Variants in CACNA2D3 observed in about 807,000 individuals in gnomAD.
CACNA2D3 encodes voltage-dependent calcium channel subunit alpha-2/delta-3.
Under a neutral mutation model 160.6 loss-of-function variants are expected in CACNA2D3, and 60 were observed. That is an observed-to-expected ratio of 0.37 (90% CI 0.30 to 0.46). The LOEUF (loss-of-function observed/expected upper bound fraction) is 0.46. Ranked by LOEUF, CACNA2D3 falls within the 20% of genes least tolerant of loss-of-function variation. CACNA2D3 has a pLI of 1.00. For missense variants in CACNA2D3, 1,205 were observed against 1,365.0 expected (o/e 0.88, Z 1.85); for synonymous variants, 558 against 492.9 (o/e 1.13, Z -1.75).
intron 17 of CACNA2D3, among the ~76,000 whole-genome samples, chr3:54,860,021 CAT>C (rs1375343919): frequency 2.7e-5 from 4 of 148,168 alleles, no homozygotes; most frequent in Admixed American, 2.7e-4. Flanking sequence ...CACAAACACA[CAT>C]ATTCCAAATT....
intron 4 of CACNA2D3, among the ~76,000 whole-genome samples, chr3:54,502,563 G>T (rs997143825): frequency 2.0e-5 from 3 of 152,066 alleles, no homozygotes; most frequent in African/African-American, 4.8e-5. Flanking sequence ...CATATTAATT[G>T]TAGTTATTTT....
intron 27 of CACNA2D3, chr3:54,967,126 T>C (rs2107064260): frequency 6.6e-6 from 1 of 152,344 alleles, no homozygotes; most frequent in Non-Finnish European, 1.5e-5. Context: ...ACTGCTCTAG[T>C]CTTTATCCTA....
At chr3:54,310,065 T>C (rs1337940059) in intron 2 of CACNA2D3, among the ~76,000 whole-genome samples, 2 of 152,024 alleles carry the variant, frequency 1.3e-5, no homozygotes, top group Non-Finnish European at 2.9e-5. Flanking sequence ...GTCCTCAAAC[T>C]TCACTAGATC....
At chr3:54,478,658 G>GTGTGTA (rs1404422204) in intron 4 of CACNA2D3, among the ~76,000 whole-genome samples, 775 of 1,952 alleles carry the variant, frequency 0.4, 99 homozygotes, top group African/African-American at 0.41. Flanking sequence ...AAATATGTGT[G>GTGTGTA]TGTATATATA....
intron 27 of CACNA2D3, among the ~76,000 whole-genome samples, chr3:54,909,328 T>C (rs79978728): frequency 2.0e-5 from 3 of 152,100 alleles, no homozygotes; most frequent in East Asian, 3.9e-4. Flanking sequence ...TTTTTTTTTT[T>C]CCAACATGGC....
intron 2 of CACNA2D3, among the ~76,000 whole-genome samples, chr3:54,234,396 T>C (rs1259571713): frequency 6.6e-6 from 1 of 152,204 alleles, no homozygotes; most frequent in African/African-American, 2.4e-5. Context: ...GAAGCACTTA[T>C]ACACTGTCGA....
chr3:54,351,503 C>T (rs1014669776), intron 3 of CACNA2D3, among the ~76,000 whole-genome samples: 5 of 152,156 alleles, frequency 3.3e-5, no homozygotes, highest in Non-Finnish European at 5.9e-5. Flanking sequence ...GCTTTGTCTC[C>T]GTGTTTGAAG....
At chr3:54,938,755 A>G (rs1701389341) in intron 27 of CACNA2D3, among the ~76,000 whole-genome samples, 1 of 152,128 alleles carries the variant, frequency 6.6e-6, no homozygotes, top group Admixed American at 6.5e-5. Context: ...ACAAAATTTG[A>G]GAGCATGTTG....
intron 27 of CACNA2D3, among the ~76,000 whole-genome samples, chr3:54,916,143 G>A (rs775529968): frequency 3.3e-5 from 5 of 152,138 alleles, no homozygotes; most frequent in Non-Finnish European, 7.3e-5. Flanking sequence ...TGTAATATCC[G>A]TTCAAGTGGC....
intron 5 of CACNA2D3, among the ~76,000 whole-genome samples, chr3:54,513,410 G>GT (rs1559501614): frequency 6.6e-6 from 1 of 152,042 alleles, no homozygotes; most frequent in Non-Finnish European, 1.5e-5. Flanking sequence ...TGCTTACTAT[G>GT]TTTCAGGCAT....
At chr3:54,582,637 C>T (rs1405239558) in intron 9 of CACNA2D3, among the ~76,000 whole-genome samples, 1 of 152,172 alleles carries the variant, frequency 6.6e-6, no homozygotes, top group African/African-American at 2.4e-5. Context: ...CTGCCATTGC[C>T]CATGTTGATT....
chr3:54,123,822 C>T (rs1476529489), intron 2 of CACNA2D3, among the ~76,000 whole-genome samples: 3 of 152,286 alleles, frequency 2.0e-5, no homozygotes, highest in South Asian at 4.2e-4. Flanking sequence ...CTCACTCGCA[C>T]TGTCCTGGCT....
In CACNA2D3 at chr3:54,387,658, A is replaced by ATAAGTAAGTAAG. The variant is rs3028847; in HGVS notation, c.381+900_381+911dup. 9.1e-3 allele frequency among the ~76,000 whole-genome samples: 1,379 copies of ATAAGTAAGTAAG among 151,248 alleles called. 30 individuals are homozygous for ATAAGTAAGTAAG. Among genetic ancestry groups the ATAAGTAAGTAAG allele is most frequent in the Admixed American group, 0.042 (634 of 15,170 alleles). ...CAGAGTGAGAGTCTGTCTCAAATAA[A>ATAAGTAAGTAAG]TAAGTAAGTAAGTAAGTAAGTAAGT... On this transcript the variant is annotated intron_variant, in intron 4 of 37. Transcript: ENST00000474759.
rs770390588 is a variant in CACNA2D3 at position 54,243,627 on chromosome 3, TCAAA to T, written c.205-76805_205-76802del. On this transcript the variant is annotated intron_variant, in intron 2 of 37. Coordinates refer to ENST00000474759, the MANE Select transcript of CACNA2D3 (RefSeq NM_018398.3). Reference sequence around the variant, plus strand: ...GTTGTTAAGAATCAAAAGAGGAAAATCAAACAAACAAACGAAAACGAAACAAAAC... The same window carrying T: ...GTTGTTAAGAATCAAAAGAGGAAAATCAAACAAACGAAAACGAAACAAAAC... Among the ~76,000 whole-genome samples, 9 of 152,182 alleles carry T rather than the reference TCAAA, an allele frequency of 5.9e-5. No homozygotes were observed. In the South Asian group the frequency reaches 1.0e-3, roughly 18 times the overall value.
At chr3:55,070,187 C>A (rs942650869) in intron 35 of CACNA2D3, among the ~76,000 whole-genome samples, 13 of 152,212 alleles carry the variant, frequency 8.5e-5, no homozygotes, top group Admixed American at 3.9e-4. Flanking sequence ...AGACAGTAAA[C>A]AAGCAAGGAA....
chr3:54,344,908 G>C (rs1215965688), intron 3 of CACNA2D3, among the ~76,000 whole-genome samples: 1 of 152,190 alleles, frequency 6.6e-6, no homozygotes, highest in East Asian at 1.9e-4. Context: ...TTACAGTAAA[G>C]GAGCCAGCCA....
chr3:54,634,366 A>G (rs1699314105), intron 10 of CACNA2D3: 1 of 152,140 alleles, frequency 6.6e-6, no homozygotes, highest in Admixed American at 6.5e-5. Context: ...GGTTTCTAGA[A>G]TTGCCCCCTC....
chr3:54,475,836 T>TGTGTGTGTGTGTGTGTGTGTGA (rs367560891), intron 4 of CACNA2D3, among the ~76,000 whole-genome samples: 6 of 151,268 alleles, frequency 4.0e-5, no homozygotes, highest in African/African-American at 9.7e-5. Context: ...TGTGTGTGTG[T>TGTGTGTGTGTGTGTGTGTGTGA]GACAGAGAGA....
At chr3:54,916,403 G>A (rs1228037109) in intron 27 of CACNA2D3, among the ~76,000 whole-genome samples, 4 of 152,206 alleles carry the variant, frequency 2.6e-5, no homozygotes, top group African/African-American at 7.2e-5. Flanking sequence ...AGTGGCCCAT[G>A]GAGAGGAGGT....
Sources: gnomAD v4.1 joint callset for allele counts (sites outside exome capture counted in the v4.1 genomes callset) on GRCh38, gnomAD v4.1.1 for gene constraint, MANE v1.5 for transcripts, NCBI Gene and HGNC (gene_info 2026-07-23, HGNC 2026-07-21) for gene names.